Variants in PCDHA9 observed in about 807,000 individuals in gnomAD.
The protein encoded by PCDHA9 is protocadherin alpha-9.
In PCDHA9, 62 loss-of-function variants were observed where a neutral mutation model predicts 62.0. That is an observed-to-expected ratio of 1.00 (90% confidence interval 0.81 to 1.23). The LOEUF (loss-of-function observed/expected upper bound fraction) is 1.23. Among genes scored for constraint, PCDHA9 ranks in the 50% most tolerant of loss-of-function variants. PCDHA9 has a pLI of 0.00. For synonymous variants in PCDHA9, 557 were observed against 567.6 expected (o/e 0.98, Z 0.27); for missense variants, 1,205 against 1,249.8 (o/e 0.96, Z 0.54).
intron 1 of PCDHA9, chr5:140,927,810 G>A: frequency 2.5e-6 from 4 of 1,614,200 alleles, no homozygotes; most frequent in Non-Finnish European, 3.4e-6. Flanking sequence ...AAACGCTCTT[G>A]GAGGCATACA....
intron 1 of PCDHA9, chr5:140,882,264 G>C: frequency 6.2e-7 from 1 of 1,609,300 alleles, no homozygotes; most frequent in Non-Finnish European, 8.5e-7. Context: ...TTTTTGGAGT[G>C]TACCATGCTG....
At chr5:140,929,663 G>A (rs1284467278) in intron 1 of PCDHA9, 1 of 336,002 alleles carries the variant, frequency 3.0e-6, no homozygotes, top group African/African-American at 2.1e-5. Context: ...TATTTAAAGT[G>A]AAGAATGAAA....
chr5:140,855,239 A>T (rs1315147782), intron 1 of PCDHA9, among the ~76,000 whole-genome samples: 1 of 149,864 alleles, frequency 6.7e-6, no homozygotes, highest in Non-Finnish European at 1.5e-5. Flanking sequence ...TTAAGGTACT[A>T]TTGCAAGCAC....
At chr5:140,908,985 C>G (rs2074252217) in intron 1 of PCDHA9, among the ~76,000 whole-genome samples, 1 of 152,130 alleles carries the variant, frequency 6.6e-6, no homozygotes, top group African/African-American at 2.4e-5. Context: ...CCACTGGACC[C>G]CTAGAAATTT....
chr5:140,891,612 T>C (rs182874243), intron 1 of PCDHA9, among the ~76,000 whole-genome samples: 2 of 152,350 alleles, frequency 1.3e-5, no homozygotes, highest in Admixed American at 1.3e-4. Context: ...TTCTACCTTT[T>C]ATTTTAACAC....
Position 140,853,387 on chromosome 5 carries a change from C to T in PCDHA9, c.2394+2498C>T, listed in dbSNP as rs2150531459. 3.0e-6 allele frequency: 3 copies of T among 985,448 alleles called. No homozygotes were observed. In the Admixed American group the frequency reaches 1.9e-4, roughly 62 times the overall value. The allele number at this position is 985,448 out of a possible 1,614,324, so 61.0% of individuals were successfully genotyped here. ...CCAGAGATGGTAAAATTCAAAACAGCCTGTCAAGTTCAAAACAGAGAGGTG... is the reference window on the plus strand; with the variant it reads ...CCAGAGATGGTAAAATTCAAAACAGTCTGTCAAGTTCAAAACAGAGAGGTG... On this transcript the variant is annotated intron_variant, in intron 1 of 3. Coordinates refer to ENST00000532602, the MANE Select transcript of PCDHA9 (RefSeq NM_031857.2).
At chr5:140,882,947 C>G in intron 1 of PCDHA9, 1 of 1,614,162 alleles carries the variant, frequency 6.2e-7, no homozygotes, top group Non-Finnish European at 8.5e-7. Context: ...TGGCACAGTT[C>G]AGCTGCTCAT....
intron 1 of PCDHA9, chr5:140,876,970 G>T (rs1554169165): frequency 6.2e-7 from 1 of 1,612,850 alleles, no homozygotes; most frequent in East Asian, 2.2e-5. Flanking sequence ...GCGGCGGGTG[G>T]GCGAGCACGC....
intron 1 of PCDHA9, among the ~76,000 whole-genome samples, chr5:140,950,208 C>G (rs1377059178): frequency 1.3e-5 from 2 of 151,900 alleles, no homozygotes; most frequent in Non-Finnish European, 2.9e-5. Context: ...TTCTGTTTAC[C>G]TAGTCATTTA....
chr5:140,981,944 G>A (rs893119825), intron 2 of PCDHA9, among the ~76,000 whole-genome samples: 2 of 152,174 alleles, frequency 1.3e-5, no homozygotes, highest in Non-Finnish European at 2.9e-5. Flanking sequence ...GAAATATAGG[G>A]TGGGTCATCT....
chr5:140,932,866 T>C (rs1584758563), intron 1 of PCDHA9, among the ~76,000 whole-genome samples: 1 of 151,996 alleles, frequency 6.6e-6, no homozygotes, highest in Non-Finnish European at 1.5e-5. Flanking sequence ...TTATTGTCTT[T>C]TGTTGTCTTC....
At chr5:140,972,925 G>T (rs1297920795) in intron 1 of PCDHA9, among the ~76,000 whole-genome samples, 1 of 152,120 alleles carries the variant, frequency 6.6e-6, no homozygotes, top group Non-Finnish European at 1.5e-5. Context: ...GCCTCCCAAA[G>T]TGCTGGGATT....
Position 140,850,830 on chromosome 5 carries a change from T to C in PCDHA9, c.2335T>C (p.Cys779Arg). The change falls in exon 1 of 4, where the codon TGT (cysteine) becomes CGT (arginine). Residue 779 changes from cysteine (C) to arginine (R), a missense_variant. By Grantham distance (180) the Cys-to-Arg change is radical. Coordinates refer to ENST00000532602, the MANE Select transcript of PCDHA9 (RefSeq NM_031857.2). ...LMAFSPGLSP[C>R]AGSTERTGEP... ...GGCCTTCAGCCCGGGCCTTTCTCCTTGTGCTGGATCTACAGAGCGAACGGG... is the reference window on the plus strand; with the variant it reads ...GGCCTTCAGCCCGGGCCTTTCTCCTCGTGCTGGATCTACAGAGCGAACGGG... 1.9e-6 allele frequency: 3 copies of C among 1,598,162 alleles called. 1 individual carries two copies. The highest frequency in any genetic ancestry group is 2.6e-6 in the Non-Finnish European group (3 of 1,167,540).
At chr5:140,911,564 C>A (rs1036102678) in intron 1 of PCDHA9, among the ~76,000 whole-genome samples, 2 of 152,226 alleles carry the variant, frequency 1.3e-5, no homozygotes, top group African/African-American at 4.8e-5. Flanking sequence ...TCTTTCATCA[C>A]TTTGTCCAGT....
rs115218749 is a variant in PCDHA9, at chr5:140,850,537, G to A, written c.2042G>A (p.Arg681Gln). The change falls in exon 1 of 4, where the codon CGG becomes CAG. Residue 681 changes from arginine (R) to glutamine (Q), a missense_variant. Transcript: ENST00000532602. ...GGCCAGGCGCCAAAGTCATCGTCGC[G>A]GGCGTCAGTGGGTGCCACGGGCCCC... ...ESGQAPKSSSRASVGATGPEV... is the reference protein window; with the variant it reads ...ESGQAPKSSSQASVGATGPEV... 5,564 of 1,598,212 alleles carry A rather than the reference G, an allele frequency of 3.5e-3. 468 individuals are homozygous for A. The African/African-American group carries it at 0.059, about 17-fold the overall frequency.
chr5:140,927,417 G>T (rs74597681), intron 1 of PCDHA9: 1 of 1,614,100 alleles, frequency 6.2e-7, no homozygotes, highest in Non-Finnish European at 8.5e-7. Flanking sequence ...ACATGGGATC[G>T]CGGGTTGACG....
intron 1 of PCDHA9, chr5:140,869,064 A>G (rs782442864): frequency 1.9e-6 from 3 of 1,559,452 alleles, no homozygotes; most frequent in East Asian, 4.5e-5. Flanking sequence ...TGGTACTGTA[A>G]GTGTAAAGAA....
intron 1 of PCDHA9, chr5:140,969,388 A>G: frequency 6.3e-7 from 1 of 1,595,066 alleles, no homozygotes; most frequent in Non-Finnish European, 8.5e-7. Flanking sequence ...CACATCCCCC[A>G]ATATCCTGTG....
rs782403008 is a variant in PCDHA9 at position 140,877,235 on chromosome 5, G to A, written c.2394+26346G>A. ...TTGGTACCGCGGTCGGTGGGTGCGGGCCACGTGGTGGCGAAAGTGCGCGCG... is the reference window on the plus strand; with the variant it reads ...TTGGTACCGCGGTCGGTGGGTGCGGACCACGTGGTGGCGAAAGTGCGCGCG... On this transcript the variant is annotated intron_variant, in intron 1 of 3. Transcript: ENST00000532602. 49 of 1,613,570 alleles carry A rather than the reference G, an allele frequency of 3.0e-5. No homozygotes were observed. In the South Asian group the frequency reaches 5.1e-4, roughly 17 times the overall value.
Sources: gnomAD v4.1 joint callset for allele counts (sites outside exome capture counted in the v4.1 genomes callset) on GRCh38, gnomAD v4.1.1 for gene constraint, MANE v1.5 for transcripts, NCBI Gene and HGNC (gene_info 2026-07-23, HGNC 2026-07-21) for gene names.